The following CACNA2D2 variants were observed in gnomAD, a reference collection of about 807,000 sequenced individuals.
The protein encoded by CACNA2D2 is calcium voltage-gated channel auxiliary subunit alpha2delta 2.
In CACNA2D2, 48 loss-of-function variants were observed where a neutral mutation model predicts 166.4. The observed-to-expected ratio is 0.29, with a 90% CI of 0.23 to 0.37. The LOEUF (loss-of-function observed/expected upper bound fraction) is 0.37. CACNA2D2 is among the 10% of genes least tolerant of loss of function. CACNA2D2 has a pLI of 1.00. For synonymous variants in CACNA2D2, 561 were observed against 573.7 expected, an observed-to-expected ratio of 0.98 and a Z score of 0.32; for missense variants, 1,122 against 1,433.0, an observed-to-expected ratio of 0.78 and a Z score of 3.50.
rs548300762 is a variant in CACNA2D2 at position 50,496,387 on chromosome 3, G to A, written c.206+6831C>T. Among the ~76,000 whole-genome samples, 12 of 152,344 alleles carry A rather than the reference G, an allele frequency of 7.9e-5. No homozygotes were observed. In the South Asian group the frequency reaches 2.3e-3, roughly 29 times the overall value. On this transcript the variant is annotated intron_variant, in intron 1 of 37. Transcript: ENST00000424201. Reference sequence around the variant, plus strand: ...CACAAGCATGCTTAGATGTGAACACGTCTGACACATGCACACATACATGAA... The same window carrying A: ...CACAAGCATGCTTAGATGTGAACACATCTGACACATGCACACATACATGAA...
At chr3:50,449,401 CAGTCGCCCAGGAGAG>C (rs1709003517) in intron 2 of CACNA2D2, among the ~76,000 whole-genome samples, 1 of 152,194 alleles carries the variant, frequency 6.6e-6, no homozygotes, top group African/African-American at 2.4e-5. Flanking sequence ...GATGCATGAG[CAGTCGCCCAGGAGAG>C]CTGGGGGATG....
At chr3:50,428,364 G>A (rs1707898968) in intron 3 of CACNA2D2, among the ~76,000 whole-genome samples, 2 of 151,992 alleles carry the variant, frequency 1.3e-5, no homozygotes, top group Non-Finnish European at 2.9e-5. Flanking sequence ...TCTCCTTCCT[G>A]ACAAAGGGAG....
intron 3 of CACNA2D2, among the ~76,000 whole-genome samples, chr3:50,403,413 G>A (rs1470905502): frequency 1.3e-5 from 2 of 152,132 alleles, no homozygotes; most frequent in African/African-American, 4.8e-5. Context: ...CCAACGGGCT[G>A]CCCTTCTCCT....
chr3:50,433,010 T>C (rs1265809486), intron 3 of CACNA2D2, among the ~76,000 whole-genome samples: 2 of 152,226 alleles, frequency 1.3e-5, no homozygotes, highest in Non-Finnish European at 2.9e-5. Context: ...TTTATTGAGA[T>C]ACAATTTATA....
chr3:50,490,837 G>C (rs546215768), intron 1 of CACNA2D2, among the ~76,000 whole-genome samples: 8 of 151,706 alleles, frequency 5.3e-5, no homozygotes, highest in Admixed American at 4.6e-4. Flanking sequence ...TTCAGGACAA[G>C]AATAGGGAGG....
Position 50,503,318 on chromosome 3 carries a change from G to A in CACNA2D2, c.106C>T (p.Pro36Ser). Residue 36 changes from proline to serine, a missense_variant, in exon 1 of 38, where the codon CCG (proline) becomes TCG (serine). Transcript: ENST00000424201. ...GPHPGPGTRR[P>S]TSGPPRPLWL... ...AGCGGGCGCGGGGGCCCGGACGTCG[G>A]GCGCCGGGTGCCGGGGCCAGGGTGG... is the stretch of plus-strand genomic sequence containing the variant. The A allele has an allele frequency of 1.5e-6, 1 of 650,344 alleles. No individual in the cohort carries two copies. The highest frequency in any genetic ancestry group is 2.1e-6 in the Non-Finnish European group (1 of 473,946). The allele number at this position is 650,344 out of a possible 1,614,324, so 40.3% of individuals were successfully genotyped here.
chr3:50,398,070 A>T lies in CACNA2D2; in HGVS notation c.406-3902T>A, dbSNP rs79915616. On this transcript the variant is annotated intron_variant, in intron 3 of 37. Transcript: ENST00000424201. ...CCCTGGTCCTCTTGATGGTTTGGGG[A>T]CAGGCTGGAAGGGGCAAGAAACTGA... Among the ~76,000 whole-genome samples the T allele has an allele frequency of 1.4e-4, 21 of 150,372 alleles. 1 individual carries two copies. In the East Asian group the frequency reaches 4.2e-3, roughly 30 times the overall value.
In CACNA2D2 at chr3:50,366,834, C is replaced by G. The variant is rs1171038968; in HGVS notation, c.2586G>C (p.Gln862His). 6.2e-7 allele frequency: 1 copy of G among 1,613,544 alleles called. No individual in the cohort carries two copies. Among genetic ancestry groups the G allele is most frequent in the East Asian group, 2.2e-5 (1 of 44,886 alleles). ...ASNRTHQDQP[Q>H]KCGPNSHCEM... ...GCCCCCGCCCCTGCCCAAATACCTT[C>G]TGAGGCTGGTCTTGGTGGGTACGGT... The change falls in exon 29 of 38, where the codon CAG becomes CAC. Residue 862 changes from glutamine to histidine, a missense_variant. Gln to His is a conservative substitution (Grantham distance 24). Around this residue, in one of 2 missense-constraint regions of CACNA2D2, gnomAD observed 840 missense variants for 1,166.8 expected, o/e 0.72. Transcript: ENST00000424201. This position sits in a 1 kb window ranked among gnomAD's most constrained non-coding sequence, Gnocchi z 5.9.
chr3:50,382,897 T>C (rs748320641), intron 6 of CACNA2D2, among the ~76,000 whole-genome samples: 2 of 152,086 alleles, frequency 1.3e-5, no homozygotes, highest in African/African-American at 2.4e-5. Context: ...CGCTTACCCA[T>C]ACACGGCAAG....
intron 1 of CACNA2D2, among the ~76,000 whole-genome samples, chr3:50,479,006 A>G (rs1697923881): frequency 6.6e-6 from 1 of 152,200 alleles, no homozygotes; most frequent in African/African-American, 2.4e-5. Flanking sequence ...TAATTGGGAG[A>G]AGAGACATGG....
Position 50,364,420 on chromosome 3 carries a change from G to C in CACNA2D2, c.*246C>G. On this transcript the variant is annotated 3_prime_UTR_variant, in exon 38 of 38. Transcript: ENST00000424201. ...CCATCCCACTGGGGGGAGCCCAGCA[G>C]GCAAGAAGGGTCTGGGGACACTTGA... 2.0e-6 allele frequency: 1 copy of C among 507,348 alleles called. No homozygotes were observed. Among genetic ancestry groups the C allele is most frequent in the Admixed American group, 3.8e-5 (1 of 26,298 alleles). The allele number at this position is 507,348 out of a possible 1,614,324, so 31.4% of individuals were successfully genotyped here. A position where few individuals can be genotyped will look rare whatever the true frequency, so the allele number is the denominator to read the frequency against.
At chr3:50,436,578 C>A (rs1708360421) in intron 2 of CACNA2D2, among the ~76,000 whole-genome samples, 1 of 152,222 alleles carries the variant, frequency 6.6e-6, no homozygotes, top group Non-Finnish European at 1.5e-5. Flanking sequence ...AAAAGTCACT[C>A]ATCTCTGAAC....
At chr3:50,486,141 T>A (rs1223377408) in intron 1 of CACNA2D2, among the ~76,000 whole-genome samples, 1 of 152,126 alleles carries the variant, frequency 6.6e-6, no homozygotes, top group East Asian at 1.9e-4. Flanking sequence ...ACTGCTGCAG[T>A]CCCTGTGTGC....
chr3:50,497,035 CT>C (rs946087769), intron 1 of CACNA2D2, among the ~76,000 whole-genome samples: 1 of 152,180 alleles, frequency 6.6e-6, no homozygotes, highest in African/African-American at 2.4e-5. Flanking sequence ...GCCCCTCCCC[CT>C]CTGCTAAACA....
At position 50,380,710 on chromosome 3, in the gene CACNA2D2, AG is replaced by A. The variant is rs1178398026; in HGVS notation, c.842+37del. The stretch of plus-strand genomic sequence containing the variant: ...AGCAGGCAGGAAAGGTGGGGAACTG[AG>A]GGGGTGTCCCTCCCCAGCCCCTTCT... On this transcript the variant is annotated intron_variant, in intron 8 of 37. Coordinates refer to ENST00000424201, the MANE Select transcript of CACNA2D2 (RefSeq NM_006030.4). This position sits in a 1 kb window ranked among gnomAD's most constrained non-coding sequence, Gnocchi z 4.9. The A allele has an allele frequency of 3.4e-6, 5 of 1,450,066 alleles. No individual in the cohort carries two copies. Among genetic ancestry groups the A allele is most frequent in the Admixed American group, 2.6e-5 (1 of 38,626 alleles). 89.8% of individuals were successfully genotyped at this position (1,450,066 alleles called of 1,614,324 possible). A position where few individuals can be genotyped will look rare whatever the true frequency, so the allele number is the denominator to read the frequency against.
Position 50,376,160 on chromosome 3 carries a change from A to C in CACNA2D2, c.1655T>G (p.Ile552Ser). ...TLGANGYVFA[I>S]DLNGYVLLHP... ...CAGCAACACGTAGCCGTTCAGGTCA[A>C]TGGCAAACACATAGCCGTTGGCTCC... Residue 552 changes from isoleucine to serine, a missense_variant, in exon 18 of 38, where the codon ATT becomes AGT. Transcript: ENST00000424201. This position sits in a 1 kb window ranked among gnomAD's most constrained non-coding sequence, Gnocchi z 4.3. 6.2e-7 allele frequency: 1 copy of C among 1,613,466 alleles called. No homozygotes were observed. The highest frequency in any genetic ancestry group is 1.7e-5 in the Admixed American group (1 of 60,018).
chr3:50,380,613 C>T lies in CACNA2D2; in HGVS notation c.842+135G>A, dbSNP rs187074160. 140 of 719,288 alleles carry T rather than the reference C, an allele frequency of 1.9e-4. No individual in the cohort carries two copies. The East Asian group carries it at 4.1e-3, about 21-fold the overall frequency. 44.6% of individuals were successfully genotyped at this position (719,288 alleles called of 1,614,324 possible). A position where few individuals can be genotyped will look rare whatever the true frequency, so the allele number is the denominator to read the frequency against. Reference sequence around the variant, plus strand: ...GATGGGATCCATTTTCCAGTGGCAACCATGTGTGAAATGAAAATTGGATAC... The same window carrying T: ...GATGGGATCCATTTTCCAGTGGCAATCATGTGTGAAATGAAAATTGGATAC... On this transcript the variant is annotated intron_variant, in intron 8 of 37. Transcript: ENST00000424201. This position sits in a 1 kb window ranked among gnomAD's most constrained non-coding sequence, Gnocchi z 4.9.
chr3:50,436,723 A>G (rs1209705684), intron 2 of CACNA2D2, among the ~76,000 whole-genome samples: 1 of 152,164 alleles, frequency 6.6e-6, no homozygotes, highest in Non-Finnish European at 1.5e-5. Flanking sequence ...TGCAGATGGA[A>G]TCATAGTCCC....
chr3:50,403,524 C>G (rs945846135), intron 3 of CACNA2D2, among the ~76,000 whole-genome samples: 1 of 152,144 alleles, frequency 6.6e-6, no homozygotes, highest in Non-Finnish European at 1.5e-5. Flanking sequence ...CCTGACCAGA[C>G]CTCTCCCAAG....
Sources: gnomAD v4.1 joint callset for allele counts (sites outside exome capture counted in the v4.1 genomes callset) on GRCh38, gnomAD v4.1.1 for gene constraint, gnomAD v4.1.1 regional missense constraint, Gnocchi (gnomAD v3.1) non-coding constraint, MANE v1.5 for transcripts, NCBI Gene and HGNC (gene_info 2026-07-23, HGNC 2026-07-21) for gene names.